The following RGS6 variants were observed in gnomAD, a reference collection of about 807,000 sequenced individuals.
RGS6 encodes the protein regulator of G-protein signaling 6.
In RGS6, 30 loss-of-function variants were observed where a neutral mutation model predicts 78.5. The observed-to-expected ratio is 0.38, with a 90% CI of 0.29 to 0.52. RGS6 has a LOEUF of 0.52. RGS6 is among the 20% of genes least tolerant of loss of function. The probability of loss-of-function intolerance (pLI) is 0.85; values close to 1 mark genes in which losing one functional copy is unlikely to be tolerated. For synonymous variants in RGS6, 206 were observed against 206.0 expected (o/e 1.00, Z 0.00); for missense variants, 495 against 609.7 (o/e 0.81, Z 1.98).
chr14:72,061,421 G>A (rs1314807359), intron 2 of RGS6, among the ~76,000 whole-genome samples: 1 of 152,116 alleles, frequency 6.6e-6, no homozygotes, highest in Non-Finnish European at 1.5e-5. Flanking sequence ...TAATATAGTT[G>A]AGAAGATGTG....
intron 2 of RGS6, among the ~76,000 whole-genome samples, chr14:72,241,149 C>A (rs2052682279): frequency 8.4e-6 from 1 of 119,556 alleles, no homozygotes. Context: ...GAGCGAGACT[C>A]TGTCTCAAAA....
intron 12 of RGS6, among the ~76,000 whole-genome samples, chr14:72,486,568 C>G (rs569039064): frequency 6.6e-6 from 1 of 152,246 alleles, no homozygotes; most frequent in South Asian, 2.1e-4. Context: ...CCCAAGAGAC[C>G]CAGCATAAGG....
intron 2 of RGS6, among the ~76,000 whole-genome samples, chr14:72,334,646 C>G (rs1369033387): frequency 6.6e-6 from 1 of 152,212 alleles, no homozygotes; most frequent in Non-Finnish European, 1.5e-5. Context: ...TCATCTAATT[C>G]ATTCATGAGG....
intron 2 of RGS6, among the ~76,000 whole-genome samples, chr14:72,173,946 A>AT (rs2097065499): frequency 6.6e-6 from 1 of 152,200 alleles, no homozygotes; most frequent in Non-Finnish European, 1.5e-5. Context: ...TTAGATGTGT[A>AT]GGGACACAGC....
intron 2 of RGS6, among the ~76,000 whole-genome samples, chr14:72,211,364 A>G (rs1166343845): frequency 6.6e-6 from 1 of 152,186 alleles, no homozygotes; most frequent in African/African-American, 2.4e-5. Context: ...GACCTTAACA[A>G]GCATTGTTTT....
Position 72,154,559 on chromosome 14 carries a change from G to A in RGS6, c.84+189684G>A, listed in dbSNP as rs576789172. On this transcript the variant is annotated intron_variant, in intron 2 of 17. Coordinates refer to ENST00000553525, the MANE Select transcript of RGS6 (RefSeq NM_001204424.2). ...TGGGGACCACTTAATCAGGGTAAGG[G>A]CAGTAGTTTGTGTTCACAGTTTGAT... Among the ~76,000 whole-genome samples, 17 of 152,312 alleles carry A rather than the reference G, an allele frequency of 1.1e-4. No individual in the cohort carries two copies. In the South Asian group the frequency reaches 1.9e-3, roughly 17 times the overall value.
intron 10 of RGS6, among the ~76,000 whole-genome samples, chr14:72,475,830 G>GCGCACACACACACACACGCACACACA (rs113920568): frequency 6.9e-6 from 1 of 145,606 alleles, no homozygotes; most frequent in Non-Finnish European, 1.5e-5. Flanking sequence ...AAAAATACAC[G>GCGCACACACACACACACGCACACACA]CACACACACA....
intron 2 of RGS6, among the ~76,000 whole-genome samples, chr14:72,165,414 C>G (rs2096911200): frequency 6.6e-6 from 1 of 152,152 alleles, no homozygotes; most frequent in Non-Finnish European, 1.5e-5. Flanking sequence ...AGTGGCATCG[C>G]CTATAATGAG....
At chr14:72,048,740 C>A (rs1468981085) in intron 2 of RGS6, among the ~76,000 whole-genome samples, 1 of 151,770 alleles carries the variant, frequency 6.6e-6, no homozygotes, top group African/African-American at 2.4e-5. Context: ...TTTCCTTAAT[C>A]TCTACAATAA....
chr14:72,326,409 T>C (rs947610718), intron 2 of RGS6, among the ~76,000 whole-genome samples: 1 of 152,202 alleles, frequency 6.6e-6, no homozygotes, highest in African/African-American at 2.4e-5. Flanking sequence ...TGAAATGTAA[T>C]TCCCAGTGTT....
At chr14:72,286,109 G>A (rs978821973) in intron 2 of RGS6, among the ~76,000 whole-genome samples, 1 of 152,014 alleles carries the variant, frequency 6.6e-6, no homozygotes, top group African/African-American at 2.4e-5. Flanking sequence ...ATAAAGTTTT[G>A]CCCCATGTTT....
At chr14:72,432,241 C>T (rs1313632411) in intron 3 of RGS6, among the ~76,000 whole-genome samples, 1 of 152,210 alleles carries the variant, frequency 6.6e-6, no homozygotes, top group African/African-American at 2.4e-5. Context: ...CTCCTCAGAA[C>T]CAGTCCTGGG....
At chr14:72,367,208 C>G (rs12147284) in intron 3 of RGS6, among the ~76,000 whole-genome samples, 1 of 152,138 alleles carries the variant, frequency 6.6e-6, no homozygotes, top group Non-Finnish European at 1.5e-5. Context: ...TTGATGCGTT[C>G]TCCCTGAACA....
In RGS6 at chr14:72,395,786, G is replaced by T. The variant is rs2091103715; in HGVS notation, c.184+43592G>T. ...CTATGAGTGAGAACATGTGGTGTTT[G>T]GTTTTTTTCCCTTGCGATAGTTTGC... On this transcript the variant is annotated intron_variant, in intron 3 of 17. Transcript: ENST00000553525. Among the ~76,000 whole-genome samples the T allele has an allele frequency of 2.0e-5, 3 of 151,880 alleles. No homozygotes were observed. In the South Asian group the frequency reaches 6.2e-4, roughly 32 times the overall value.
At chr14:71,906,084 G>C in the RGS6 span, among the ~76,000 whole-genome samples, 126,409 of 152,170 alleles carry the variant, frequency 0.83, 52,699 homozygotes, top group African/African-American at 0.85. Context: ...TGACCCTGCC[G>C]CAAAACATTT....
intron 2 of RGS6, among the ~76,000 whole-genome samples, chr14:72,243,764 T>G (rs1387393258): frequency 6.6e-6 from 1 of 152,196 alleles, no homozygotes; most frequent in East Asian, 1.9e-4. Context: ...CTTTTTTTTT[T>G]TTCTTGTCTT....
At chr14:72,572,849 G>A in the RGS6 span, among the ~76,000 whole-genome samples, 12 of 148,460 alleles carry the variant, frequency 8.1e-5, no homozygotes, top group Non-Finnish European at 1.3e-4. Flanking sequence ...AACAAAAACA[G>A]AAAAAAAGAA....
chr14:72,130,995 G>T (rs1026843823), intron 2 of RGS6, among the ~76,000 whole-genome samples: 2 of 152,044 alleles, frequency 1.3e-5, no homozygotes, highest in African/African-American at 4.8e-5. Flanking sequence ...TGCCTGCTAG[G>T]CTCTGCCTTG....
At chr14:72,046,612 C>T (rs2092861702) in intron 2 of RGS6, among the ~76,000 whole-genome samples, 1 of 151,814 alleles carries the variant, frequency 6.6e-6, no homozygotes, top group Non-Finnish European at 1.5e-5. Context: ...TCCTCCCCCT[C>T]CTTTCCTCTT....
Sources: allele counts gnomAD v4.1 joint callset (sites outside exome capture counted in the v4.1 genomes callset), GRCh38; gene constraint gnomAD v4.1.1; transcripts MANE v1.5; gene names NCBI Gene and HGNC (gene_info 2026-07-23, HGNC 2026-07-21).